The following NFU1 variants were observed in gnomAD, a reference collection of about 807,000 sequenced individuals.
The protein encoded by NFU1 is NFU1 iron-sulfur cluster scaffold homolog, mitochondrial.
NFU1 carries 30 observed loss-of-function variants against 32.2 expected under a neutral mutation model. The observed-to-expected ratio is 0.93, with a 90% CI of 0.70 to 1.26. The LOEUF (loss-of-function observed/expected upper bound fraction) is 1.26. Ranked by LOEUF, NFU1 falls within the 50% of genes most tolerant of loss-of-function variation. NFU1 has a pLI of 0.00. For missense variants in NFU1, 306 were observed against 306.6 expected (o/e 1.00, Z 0.02); for synonymous variants, 112 against 104.6 (o/e 1.07, Z -0.43).
At chr2:69,399,279 C>G in intron 7 of NFU1, 1 of 382,732 alleles carries the variant, frequency 2.6e-6, no homozygotes, top group Non-Finnish European at 5.1e-6. Flanking sequence ...TTCCACACAT[C>G]CCTTCACTCC....
chr2:69,432,434 C>T (rs1435065362), intron 1 of NFU1, among the ~76,000 whole-genome samples: 1 of 152,032 alleles, frequency 6.6e-6, no homozygotes, highest in Non-Finnish European at 1.5e-5. Context: ...ATTAGCCGGG[C>T]ATGGTGGCAC....
In NFU1 at chr2:69,415,315, G is replaced by A; in HGVS notation, c.370-16C>T. The A allele has an allele frequency of 5.5e-6, 8 of 1,461,246 alleles. No individual in the cohort carries two copies. Among genetic ancestry groups the A allele is most frequent in the Non-Finnish European group, 7.7e-6 (8 of 1,043,214 alleles). The allele number at this position is 1,461,246 out of a possible 1,614,324, so 90.5% of individuals were successfully genotyped here. ...CTTCATTTTCCTATAAACATTTAAA[G>A]GAAAATGCTGTATTTCCAGGCAACG... On this transcript the variant is annotated splice_polypyrimidine_tract_variant and intron_variant, in intron 4 of 7. Coordinates refer to ENST00000410022, the MANE Select transcript of NFU1 (RefSeq NM_001002755.4).
intron 3 of NFU1, 101 bp from the exon 4 acceptor site, chr2:69,419,705 T>C: frequency 1.4e-6 from 1 of 730,496 alleles, no homozygotes; most frequent in Non-Finnish European, 2.4e-6. Flanking sequence ...CCACATATCC[T>C]TTGCAGCTTT....
upstream of NFU1, among the ~76,000 whole-genome samples, chr2:69,439,437 C>T (rs544050898): frequency 3.5e-4 from 54 of 152,316 alleles, no homozygotes; most frequent in African/African-American, 1.2e-3. Context: ...AGTGAAGCTG[C>T]AGACCTTTGC....
At chr2:69,439,538 T>A (rs910963816), upstream of NFU1, among the ~76,000 whole-genome samples, 2 of 152,182 alleles carry the variant, frequency 1.3e-5, no homozygotes, top group Non-Finnish European at 2.9e-5. Context: ...AAAGCTTTCA[T>A]AACATGGAAG....
At chr2:69,423,825 GAA>G in intron 2 of NFU1, 108 bp from the exon 3 acceptor site, 1 of 829,340 alleles carries the variant, frequency 1.2e-6, no homozygotes, top group Admixed American at 2.2e-5. Flanking sequence ...AAAAACTGGG[GAA>G]AAACCCAAGG....
rs1445579543 is a variant in NFU1 at position 69,431,921 on chromosome 2, A to G, written c.147T>C (p.Pro49=). The change falls in exon 2 of 8, where the codon CCT becomes CCC. Residue 49 remains proline (P), a synonymous_variant. Transcript: ENST00000410022. ...TTTTACCTGGGTGATAAAAGGCTGC[A>G]GGTAGTGGGAAAAGTGGTCTTTGTA... ...QFVQRPLFPL[P]AAFYHPVRYM... 1 of 1,612,252 alleles carries G rather than the reference A, an allele frequency of 6.2e-7. No homozygotes were observed. The highest frequency in any genetic ancestry group is 1.7e-5 in the Admixed American group (1 of 60,026).
At chr2:69,437,533 C>T, upstream of NFU1, 1 of 1,369,656 alleles carries the variant, frequency 7.3e-7, no homozygotes. Context: ...CTACCGGCTG[C>T]GGGCGGTCCT....
intron 5 of NFU1, among the ~76,000 whole-genome samples, chr2:69,406,597 G>A (rs149314500): frequency 1.2e-3 from 186 of 152,210 alleles, no homozygotes; most frequent in Non-Finnish European, 2.1e-3. Flanking sequence ...TTGAGACAGC[G>A]TTTCACTCTG....
rs534309730 is a variant in NFU1 at position 69,404,615 on chromosome 2, A to ATTTTTTTT, written c.545+1399_545+1406dup. Among the ~76,000 whole-genome samples, 107 of 72,948 alleles carry ATTTTTTTT rather than the reference A, an allele frequency of 1.5e-3. 15 individuals are homozygous for ATTTTTTTT. The highest frequency in any genetic ancestry group is 4.5e-3 in the African/African-American group (72 of 15,916). The allele number at this position is 72,948 out of a possible 152,430, so 47.9% of individuals were successfully genotyped here. ...CACTTAATAACTACTATCTTAGCAAATTTTTTTTTTTTTTTTTTTTTTTGA... is the reference window on the plus strand; with the variant it reads ...CACTTAATAACTACTATCTTAGCAAATTTTTTTTTTTTTTTTTTTTTTTTTTTTTTTGA... On this transcript the variant is annotated intron_variant, in intron 6 of 7. Transcript: ENST00000410022.
chr2:69,401,417 C>G (rs1672519295), intron 6 of NFU1, among the ~76,000 whole-genome samples: 2 of 152,144 alleles, frequency 1.3e-5, no homozygotes, highest in Non-Finnish European at 2.9e-5. Context: ...TGAGATTCAC[C>G]TATGTTGCTG....
intron 5 of NFU1, among the ~76,000 whole-genome samples, chr2:69,406,352 T>G (rs1672694639): frequency 6.6e-6 from 1 of 152,154 alleles, no homozygotes; most frequent in African/African-American, 2.4e-5. Flanking sequence ...CTAATGATGT[T>G]AGGGTATGAA....
intron 5 of NFU1, among the ~76,000 whole-genome samples, chr2:69,413,337 G>GT (rs1672951363): frequency 1.3e-5 from 1 of 78,574 alleles, no homozygotes; most frequent in African/African-American, 9.5e-5. Flanking sequence ...CAACATACGG[G>GT]TAAAAAAAAA....
chr2:69,417,806 A>G (rs564960825), intron 4 of NFU1, among the ~76,000 whole-genome samples: 1 of 152,182 alleles, frequency 6.6e-6, no homozygotes, highest in East Asian at 1.9e-4. Flanking sequence ...CTAAATAATG[A>G]AAGTAAGAGA....
chr2:69,438,785 T>C (rs1364993931), upstream of NFU1, among the ~76,000 whole-genome samples: 2 of 151,830 alleles, frequency 1.3e-5, no homozygotes, highest in South Asian at 2.1e-4. Context: ...GCACACTGAG[T>C]GGGCTGTGCC....
upstream of NFU1, among the ~76,000 whole-genome samples, chr2:69,439,316 G>T (rs1489355213): frequency 1.3e-5 from 2 of 152,146 alleles, no homozygotes; most frequent in African/African-American, 4.8e-5. Context: ...GACCCTTGTG[G>T]TGAGTGTTAC....
At chr2:69,438,389 G>C (rs949876732), upstream of NFU1, among the ~76,000 whole-genome samples, 1 of 152,030 alleles carries the variant, frequency 6.6e-6, no homozygotes, top group African/African-American at 2.4e-5. Flanking sequence ...AAAGCACTGG[G>C]ATTACAGGTG....
chr2:69,412,535 C>T (rs1002629022), intron 5 of NFU1, among the ~76,000 whole-genome samples: 13 of 151,362 alleles, frequency 8.6e-5, no homozygotes, highest in South Asian at 4.2e-4. Flanking sequence ...TACAGGCACG[C>T]GCCACCACAC....
At position 69,424,463 on chromosome 2, in the gene NFU1, AT is replaced by A. The variant is rs529842964; in HGVS notation, c.167-747del. 4.7e-4 allele frequency among the ~76,000 whole-genome samples: 71 copies of A among 151,560 alleles called. No individual in the cohort carries two copies. The South Asian group carries it at 0.014, about 31-fold the overall frequency. On this transcript the variant is annotated intron_variant, in intron 2 of 7. Transcript: ENST00000410022. The stretch of plus-strand genomic sequence containing the variant: ...ACCATCAGACCTAGTTAATATTTGT[AT>A]TTTTTTGCAGAGACAGGGTCTCACG...
Sources: allele counts gnomAD v4.1 joint callset (sites outside exome capture counted in the v4.1 genomes callset), GRCh38; gene constraint gnomAD v4.1.1; transcripts MANE v1.5; gene names NCBI Gene and HGNC (gene_info 2026-07-23, HGNC 2026-07-21).